CRACDL: variants seen among roughly 807,000 people sequenced by gnomAD.
CRACDL encodes the protein CRACD like.
Under a neutral mutation model 70.6 loss-of-function variants are expected in CRACDL, and 26 were observed. That is an observed-to-expected ratio of 0.37 (90% CI 0.27 to 0.51). CRACDL has a LOEUF of 0.51. Ranked by LOEUF, CRACDL falls within the 20% of genes least tolerant of loss-of-function variation. CRACDL has a pLI of 0.94. For missense variants in CRACDL, 1,283 were observed against 1,376.9 expected (o/e 0.93, Z 1.08); for synonymous variants, 618 against 615.2 (o/e 1.00, Z -0.07).
intron 5 of CRACDL, among the ~76,000 whole-genome samples, chr2:98,829,954 C>T (rs1330790398): frequency 6.6e-6 from 1 of 152,248 alleles, no homozygotes; most frequent in Non-Finnish European, 1.5e-5. Context: ...CCTCTCAGGA[C>T]ACAGATTCTA....
chr2:98,830,478 G>C (rs928275915), intron 5 of CRACDL, among the ~76,000 whole-genome samples: 8 of 152,142 alleles, frequency 5.3e-5, no homozygotes, highest in Non-Finnish European at 1.5e-5. Context: ...CCATTTTAAA[G>C]GGTGTGTTGT....
intron 1 of CRACDL, among the ~76,000 whole-genome samples, chr2:98,870,807 A>G (rs912782497): frequency 6.6e-6 from 1 of 152,190 alleles, no homozygotes; most frequent in Non-Finnish European, 1.5e-5. Flanking sequence ...GCCCTCTGTC[A>G]GTAGTAGGGC....
chr2:98,882,689 C>T (rs1707686152), intron 1 of CRACDL, among the ~76,000 whole-genome samples: 1 of 152,122 alleles, frequency 6.6e-6, no homozygotes, highest in South Asian at 2.1e-4. Context: ...CAGAAAGAGT[C>T]CCAACTCATT....
At chr2:98,905,208 C>A (rs1281921209) in intron 1 of CRACDL, among the ~76,000 whole-genome samples, 1 of 149,344 alleles carries the variant, frequency 6.7e-6, no homozygotes, top group African/African-American at 2.5e-5. Context: ...CGAGATTGCA[C>A]CACTGCACTC....
At chr2:98,854,279 C>CAAAAAA (rs1229198569) in intron 1 of CRACDL, among the ~76,000 whole-genome samples, 1 of 54,126 alleles carries the variant, frequency 1.8e-5, no homozygotes, top group African/African-American at 6.5e-5. Flanking sequence ...GACTCTGTCT[C>CAAAAAA]AAAAAAAAAA....
rs1705092946 is a variant in CRACDL at position 98,822,354 on chromosome 2, G to A, written c.1919C>T (p.Ser640Leu). The A allele has an allele frequency of 1.4e-6, 2 of 1,466,032 alleles. No homozygotes were observed. The highest frequency in any genetic ancestry group is 2.6e-5 in the Admixed American group (1 of 38,904). The allele number at this position is 1,466,032 out of a possible 1,614,324, so 90.8% of individuals were successfully genotyped here. Residue 640 changes from serine (S) to leucine (L), a missense_variant, in exon 7 of 10, where the codon TCG (serine) becomes TTG (leucine). Around this residue, in one of 2 missense-constraint regions of CRACDL, gnomAD observed 921 missense variants for 881.9 expected, o/e 1.04. Transcript: ENST00000397899. The surrounding 1 kb of genome is among the most constrained non-coding windows in gnomAD (Gnocchi z 4.9). ...RKLAERGPQDSGDRAASPAGP... is the reference protein window; with the variant it reads ...RKLAERGPQDLGDRAASPAGP... ...GGCCGGGCTGGCCGCCCTGTCCCCC[G>A]AGTCCTGAGGGCCGCGCTCCGCCAG...
At chr2:98,827,708 C>T (rs1403417023) in intron 5 of CRACDL, among the ~76,000 whole-genome samples, 3 of 152,218 alleles carry the variant, frequency 2.0e-5, no homozygotes, top group Non-Finnish European at 2.9e-5. Flanking sequence ...TTTCCCAAGA[C>T]CATGCAGAGA....
At chr2:98,821,387 T>A (rs1193193425) in intron 7 of CRACDL, among the ~76,000 whole-genome samples, 1 of 152,162 alleles carries the variant, frequency 6.6e-6, no homozygotes, top group Non-Finnish European at 1.5e-5. Flanking sequence ...CTCACTATGT[T>A]GCCCAGGTTG....
intron 1 of CRACDL, among the ~76,000 whole-genome samples, chr2:98,854,448 A>T (rs946660943): frequency 5.5e-4 from 84 of 152,060 alleles, no homozygotes; most frequent in Admixed American, 5.9e-4. Context: ...GCCTAAAAAA[A>T]CCATAAAAGA....
chr2:98,814,989 A>G (rs2104445957), intron 7 of CRACDL, among the ~76,000 whole-genome samples: 1 of 152,128 alleles, frequency 6.6e-6, no homozygotes, highest in South Asian at 2.1e-4. Context: ...GTGTTATATG[A>G]ATATATAGCC....
At chr2:98,872,656 C>T (rs1393130796) in intron 1 of CRACDL, among the ~76,000 whole-genome samples, 2 of 152,204 alleles carry the variant, frequency 1.3e-5, no homozygotes, top group African/African-American at 4.8e-5. Context: ...AGAGCTTGCT[C>T]ATCAGGATTT....
chr2:98,924,618 C>T (rs1708871760), intron 1 of CRACDL, among the ~76,000 whole-genome samples: 2 of 152,168 alleles, frequency 1.3e-5, no homozygotes, highest in African/African-American at 2.4e-5. Context: ...ATTATGTGCT[C>T]ACGCTGGGCC....
intron 1 of CRACDL, among the ~76,000 whole-genome samples, chr2:98,889,699 G>A (rs151039831): frequency 6.6e-6 from 1 of 152,284 alleles, no homozygotes; most frequent in African/African-American, 2.4e-5. Flanking sequence ...TCCAGTAATA[G>A]CAGAATTCAC....
At chr2:98,832,244 G>T in intron 5 of CRACDL, 104 bp downstream of exon 5, 2 of 1,274,752 alleles carry the variant, frequency 1.6e-6, no homozygotes, top group Non-Finnish European at 2.3e-6. Flanking sequence ...GCCACACCAT[G>T]CACAGCCTGG....
chr2:98,872,484 T>C (rs1481826874), intron 1 of CRACDL, among the ~76,000 whole-genome samples: 2 of 152,182 alleles, frequency 1.3e-5, no homozygotes, highest in East Asian at 3.8e-4. Flanking sequence ...AAATTATTTA[T>C]TGGGTACAAT....
At chr2:98,901,209 T>C (rs572768473) in intron 1 of CRACDL, among the ~76,000 whole-genome samples, 5 of 152,336 alleles carry the variant, frequency 3.3e-5, no homozygotes, top group African/African-American at 9.6e-5. Flanking sequence ...AATGCCGATG[T>C]GTTGGCACAG....
At chr2:98,800,838 TCCTTA>T (rs1704044620) in intron 7 of CRACDL, among the ~76,000 whole-genome samples, 1 of 152,230 alleles carries the variant, frequency 6.6e-6, no homozygotes, top group South Asian at 2.1e-4. Flanking sequence ...AATTTTCCTT[TCCTTA>T]CATCAGGAGC....
intron 8 of CRACDL, 83 bp from the exon 9 acceptor site, chr2:98,796,347 G>C: frequency 7.0e-7 from 1 of 1,435,160 alleles, no homozygotes; most frequent in Non-Finnish European, 9.7e-7. Flanking sequence ...GAGCTGCAAA[G>C]CTGCTCATCC....
chr2:98,911,842 T>C (rs13011428), intron 1 of CRACDL, among the ~76,000 whole-genome samples: 77,422 of 151,528 alleles, frequency 0.51, 21,386 homozygotes, highest in African/African-American at 0.72. Context: ...CGTACCAATC[T>C]CTGCTCCGTG....
Sources: gnomAD v4.1 joint callset for allele counts (sites outside exome capture counted in the v4.1 genomes callset) on GRCh38, gnomAD v4.1.1 for gene constraint, gnomAD v4.1.1 regional missense constraint, Gnocchi (gnomAD v3.1) non-coding constraint, MANE v1.5 for transcripts, NCBI Gene and HGNC (gene_info 2026-07-23, HGNC 2026-07-21) for gene names.